DLEU7: variants seen among roughly 807,000 people sequenced by gnomAD.
DLEU7 encodes the protein deleted in lymphocytic leukemia 7.
In DLEU7, 17 loss-of-function variants were observed where a neutral mutation model predicts 16.0. That is an observed-to-expected ratio of 1.06 (90% CI 0.73 to 1.59). The LOEUF (loss-of-function observed/expected upper bound fraction) is 1.59. Ranked by LOEUF, DLEU7 falls within the 40% of genes most tolerant of loss-of-function variation. DLEU7 has a pLI of 0.00. For missense variants in DLEU7, 308 were observed against 314.9 expected, an observed-to-expected ratio of 0.98 and a Z score of 0.17; for synonymous variants, 113 against 139.8, an observed-to-expected ratio of 0.81 and a Z score of 1.35.
intron 1 of DLEU7, among the ~76,000 whole-genome samples, chr13:50,794,300 ACTT>A (rs1876049662): frequency 2.4e-5 from 3 of 122,662 alleles, no homozygotes; most frequent in Admixed American, 2.4e-4. Flanking sequence ...GAGTAAAAAG[ACTT>A]TTTTTTTTTT....
chr13:50,834,329 TA>T (rs1382816741), intron 1 of DLEU7, among the ~76,000 whole-genome samples: 1 of 151,116 alleles, frequency 6.6e-6, no homozygotes, highest in East Asian at 1.9e-4. Context: ...ACAAGGAACT[TA>T]AACAAATTTA....
At chr13:50,711,102 T>C (rs1176196911), downstream of DLEU7, 1 of 152,216 alleles carries the variant, frequency 6.6e-6, no homozygotes, top group East Asian at 1.9e-4. Flanking sequence ...ATGAACAATT[T>C]TTCTTCTGAA....
downstream of DLEU7, chr13:50,711,392 G>A (rs1182994083): frequency 6.6e-6 from 1 of 151,798 alleles, no homozygotes; most frequent in Non-Finnish European, 1.5e-5. Flanking sequence ...TCTTGACTTC[G>A]GTATGAAACT....
chr13:50,786,681 A>G (rs1016179808), intron 1 of DLEU7, among the ~76,000 whole-genome samples: 3 of 152,240 alleles, frequency 2.0e-5, no homozygotes, highest in African/African-American at 7.2e-5. Context: ...TTCTCTGTGC[A>G]AATGATAATT....
chr13:50,760,026 G>A (rs979336220), intron 1 of DLEU7, among the ~76,000 whole-genome samples: 14 of 152,168 alleles, frequency 9.2e-5, no homozygotes, highest in African/African-American at 3.1e-4. Flanking sequence ...TGCTAAATAT[G>A]AGGTCTTTTA....
At chr13:50,762,683 A>G (rs189365538) in intron 1 of DLEU7, among the ~76,000 whole-genome samples, 2 of 152,216 alleles carry the variant, frequency 1.3e-5, no homozygotes, top group Admixed American at 1.3e-4. Flanking sequence ...GATGCCACCA[A>G]GGTGGTTTAA....
At chr13:50,760,428 C>G (rs73493769) in intron 1 of DLEU7, among the ~76,000 whole-genome samples, 5,050 of 152,236 alleles carry the variant, frequency 0.033, 176 homozygotes, top group African/African-American at 0.09. Context: ...CTGGCATGAT[C>G]ATAGTTCACA....
At chr13:50,727,157 A>C (rs997913954) in intron 1 of DLEU7, among the ~76,000 whole-genome samples, 3 of 152,032 alleles carry the variant, frequency 2.0e-5, no homozygotes, top group African/African-American at 7.2e-5. Context: ...TTTTGTCCTT[A>C]ATATGTGCTA....
chr13:50,774,473 G>A lies in DLEU7; in HGVS notation c.460-61233C>T, dbSNP rs552865414. On this transcript the variant is annotated intron_variant, in intron 1 of 1. Transcript: ENST00000400393. ...GCTTCATTTTGTCCTATAGAAACTA[G>A]ACGTCATGTTTATACACTTCTACAT... 1.8e-4 allele frequency among the ~76,000 whole-genome samples: 27 copies of A among 152,226 alleles called. No individual in the cohort carries two copies. The South Asian group carries it at 5.2e-3, about 29-fold the overall frequency.
At chr13:50,731,120 G>A (rs1388559171) in intron 1 of DLEU7, among the ~76,000 whole-genome samples, 1 of 152,176 alleles carries the variant, frequency 6.6e-6, no homozygotes, top group Non-Finnish European at 1.5e-5. Context: ...TGTGACCAGA[G>A]TGGTCGTCGG....
At chr13:50,812,314 T>C (rs1229531995) in intron 1 of DLEU7, among the ~76,000 whole-genome samples, 2 of 152,150 alleles carry the variant, frequency 1.3e-5, no homozygotes, top group African/African-American at 4.8e-5. Context: ...ACACTGCTGA[T>C]CCCAACTGCT....
chr13:50,843,327 C>T lies in DLEU7; in HGVS notation c.320G>A (p.Arg107His). Residue 107 changes from arginine to histidine, a missense_variant, in exon 1 of 2, where the codon CGC becomes CAC. Coordinates refer to ENST00000504404, the MANE Select transcript of DLEU7 (RefSeq NM_001306135.2). This position sits in a 1 kb window ranked among gnomAD's most constrained non-coding sequence, Gnocchi z 5.7. ...CATCTGGGCCAGGGTGCAGGGCCCGCGGTCCCGGGGGAAGGGCAGCAACTC... is the reference window on the plus strand; with the variant it reads ...CATCTGGGCCAGGGTGCAGGGCCCGTGGTCCCGGGGGAAGGGCAGCAACTC... ...GAELLPFPRD[R>H]GPCTLAQMAM... is the part of the protein sequence containing the mutation. 2 of 1,497,378 alleles carry T rather than the reference C, an allele frequency of 1.3e-6. No homozygotes were observed. The highest frequency in any genetic ancestry group is 2.3e-4 in the Middle Eastern group (1 of 4,388). The allele number at this position is 1,497,378 out of a possible 1,614,324, so 92.8% of individuals were successfully genotyped here. A position where few individuals can be genotyped will look rare whatever the true frequency, so the allele number is the denominator to read the frequency against.
intron 1 of DLEU7, among the ~76,000 whole-genome samples, chr13:50,803,403 T>G (rs144457303): frequency 0.023 from 3,480 of 152,262 alleles, 127 homozygotes; most frequent in African/African-American, 0.079. Flanking sequence ...AGACATTTCC[T>G]TATTGATATA....
At chr13:50,792,289 T>G (rs1875981865) in intron 1 of DLEU7, among the ~76,000 whole-genome samples, 1 of 152,224 alleles carries the variant, frequency 6.6e-6, no homozygotes. Context: ...AATTCAAGAA[T>G]CTACCCATTA....
chr13:50,761,913 G>A (rs564815807), intron 1 of DLEU7, among the ~76,000 whole-genome samples: 3 of 151,820 alleles, frequency 2.0e-5, no homozygotes, highest in East Asian at 1.9e-4. Flanking sequence ...ATATTGGGCC[G>A]GGCACGGTGG....
At chr13:50,788,827 G>A (rs540070151) in intron 1 of DLEU7, among the ~76,000 whole-genome samples, 5 of 152,126 alleles carry the variant, frequency 3.3e-5, no homozygotes, top group Non-Finnish European at 7.4e-5. Context: ...GCAAAAGCTG[G>A]CATCCTCACG....
chr13:50,797,057 T>C (rs1876127419), intron 1 of DLEU7, among the ~76,000 whole-genome samples: 1 of 152,186 alleles, frequency 6.6e-6, no homozygotes, highest in Non-Finnish European at 1.5e-5. Context: ...TCACAGGTTT[T>C]GAAACAGACT....
intron 1 of DLEU7, among the ~76,000 whole-genome samples, chr13:50,764,576 A>G (rs910235048): frequency 6.6e-6 from 1 of 152,250 alleles, no homozygotes; most frequent in Admixed American, 6.5e-5. Flanking sequence ...ACACTTATCT[A>G]TGAACCCCTA....
chr13:50,789,847 G>C (rs1009640979), intron 1 of DLEU7, among the ~76,000 whole-genome samples: 1 of 152,074 alleles, frequency 6.6e-6, no homozygotes. Flanking sequence ...TAATGTTAAG[G>C]TCTGATCAGG....
Sources: gnomAD v4.1 joint callset for allele counts (sites outside exome capture counted in the v4.1 genomes callset) on GRCh38, gnomAD v4.1.1 for gene constraint, Gnocchi (gnomAD v3.1) non-coding constraint, MANE v1.5 for transcripts, NCBI Gene and HGNC (gene_info 2026-07-23, HGNC 2026-07-21) for gene names.